The following AUTS2 variants were observed in gnomAD, a reference collection of about 807,000 sequenced individuals.
AUTS2 encodes the protein autism susceptibility gene 2 protein.
A neutral mutation model predicts 112.4 loss-of-function variants in AUTS2; 17 were observed. The ratio of observed to expected loss-of-function variants is 0.15; its 90% CI spans 0.10 to 0.23. The LOEUF (loss-of-function observed/expected upper bound fraction) is 0.23, where lower values mean the gene tolerates loss of function less well. AUTS2 is among the 10% of genes least tolerant of loss of function. The pLI, the probability that AUTS2 is intolerant of heterozygous loss-of-function variation, is 1.00. For synonymous variants in AUTS2, 751 were observed against 702.7 expected, an observed-to-expected ratio of 1.07 and a Z score of -1.09; for missense variants, 1,510 against 1,701.6, an observed-to-expected ratio of 0.89 and a Z score of 1.98.
intron 4 of AUTS2, among the ~76,000 whole-genome samples, chr7:70,318,705 T>G (rs912474084): frequency 1.3e-5 from 2 of 152,160 alleles, no homozygotes; most frequent in South Asian, 4.1e-4. Context: ...CCAAGGGCTG[T>G]TTGCTGTAGA....
At position 70,324,663 on chromosome 7, in the gene AUTS2, T is replaced by C. The variant is rs1038115372; in HGVS notation, c.661-111089T>C. 6.6e-5 allele frequency among the ~76,000 whole-genome samples: 10 copies of C among 152,144 alleles called. 1 individual carries two copies. Reference sequence around the variant, plus strand: ...ATTACAGGGTTGGCCTCCCTGATCCTGTATATATTGTCTATGAAATTGACA... The same window carrying C: ...ATTACAGGGTTGGCCTCCCTGATCCCGTATATATTGTCTATGAAATTGACA... On this transcript the variant is annotated intron_variant, in intron 4 of 18. Transcript: ENST00000342771.
At chr7:70,477,334 G>T (rs1330179608) in intron 5 of AUTS2, among the ~76,000 whole-genome samples, 2 of 152,138 alleles carry the variant, frequency 1.3e-5, no homozygotes, top group East Asian at 3.9e-4. Flanking sequence ...AAAAAGGCAG[G>T]CCTGCCAAAT....
chr7:69,985,227 T>TAAAAA (rs71068005), intron 2 of AUTS2, among the ~76,000 whole-genome samples: 3 of 104,672 alleles, frequency 2.9e-5, no homozygotes, highest in East Asian at 2.7e-4. Context: ...GAAGACTCTC[T>TAAAAA]AAAAAAAAAA....
intron 1 of AUTS2, among the ~76,000 whole-genome samples, chr7:69,899,009 T>G (rs1463351454): frequency 1.3e-5 from 2 of 152,212 alleles, no homozygotes; most frequent in Non-Finnish European, 2.9e-5. Context: ...AAAGCTGCTA[T>G]CCCAGGGAGC....
At chr7:70,030,737 T>A (rs1342580949) in intron 2 of AUTS2, among the ~76,000 whole-genome samples, 1 of 152,084 alleles carries the variant, frequency 6.6e-6, no homozygotes, top group East Asian at 1.9e-4. Context: ...TAGTAAAACG[T>A]TCATAGTTTT....
chr7:70,283,266 A>G (rs1788306977), intron 4 of AUTS2, among the ~76,000 whole-genome samples: 1 of 152,216 alleles, frequency 6.6e-6, no homozygotes, highest in Non-Finnish European at 1.5e-5. Context: ...TGTGAAAGGA[A>G]GGGTTAATAG....
At chr7:69,760,633 C>T (rs1347508472) in intron 1 of AUTS2, among the ~76,000 whole-genome samples, 1 of 152,010 alleles carries the variant, frequency 6.6e-6, no homozygotes, top group African/African-American at 2.4e-5. Flanking sequence ...CCAGCCTGAC[C>T]AACATGGTGA....
At chr7:70,548,449 T>C (rs1800879920) in intron 5 of AUTS2, among the ~76,000 whole-genome samples, 1 of 152,120 alleles carries the variant, frequency 6.6e-6, no homozygotes. Flanking sequence ...GTTTTTTTTT[T>C]ATGGATCATA....
At chr7:69,847,841 G>A (rs1239467719) in intron 1 of AUTS2, among the ~76,000 whole-genome samples, 2 of 152,150 alleles carry the variant, frequency 1.3e-5, no homozygotes, top group Non-Finnish European at 2.9e-5. Context: ...TTCATCTGTC[G>A]CCTCTGAAAA....
rs548361049 is a variant in AUTS2 at position 70,186,993 on chromosome 7, G to T, written c.660+52422G>T. The stretch of plus-strand genomic sequence containing the variant: ...GTTAAAGAAACTTGCCCAAAGTTAG[G>T]TAGCTAATAAGTAGTAGAAGCAGGA... On this transcript the variant is annotated intron_variant, in intron 4 of 18. Transcript: ENST00000342771. 5.9e-5 allele frequency among the ~76,000 whole-genome samples: 9 copies of T among 152,326 alleles called. No individual in the cohort carries two copies. In the East Asian group the frequency reaches 1.5e-3, roughly 26 times the overall value.
chr7:70,182,166 T>C (rs569618478), intron 4 of AUTS2, among the ~76,000 whole-genome samples: 1 of 152,306 alleles, frequency 6.6e-6, no homozygotes, highest in East Asian at 1.9e-4. Context: ...AAAGTCTCCC[T>C]GTTGCTTATG....
At chr7:70,253,873 A>G (rs900119209) in intron 4 of AUTS2, among the ~76,000 whole-genome samples, 9 of 151,988 alleles carry the variant, frequency 5.9e-5, no homozygotes, top group Admixed American at 2.6e-4. Context: ...TCTTTTGTGT[A>G]TAGCTCTGTT....
intron 4 of AUTS2, among the ~76,000 whole-genome samples, chr7:70,289,359 C>T (rs1788605798): frequency 6.6e-6 from 1 of 152,218 alleles, no homozygotes; most frequent in African/African-American, 2.4e-5. Context: ...ATAAAATTCT[C>T]TTCCATGTGC....
intron 1 of AUTS2, among the ~76,000 whole-genome samples, chr7:69,830,138 G>A (rs561820644): frequency 1.1e-4 from 17 of 152,298 alleles, no homozygotes; most frequent in Admixed American, 9.2e-4. Flanking sequence ...CACGGGAACA[G>A]AAAACCAAAC....
rs532809309 is a variant in AUTS2, at chr7:70,115,007, A to G, written c.523-3125A>G. The stretch of plus-strand genomic sequence containing the variant: ...AGGGGGTGGTGTAGGGGTGGATTTT[A>G]TGTAAGGCTCTCTGAAGAGAATTCA... On this transcript the variant is annotated intron_variant, in intron 2 of 18. Coordinates refer to ENST00000342771, the MANE Select transcript of AUTS2 (RefSeq NM_015570.4). 3.9e-4 allele frequency among the ~76,000 whole-genome samples: 60 copies of G among 152,226 alleles called. 1 individual carries two copies. The highest frequency in any genetic ancestry group is 3.9e-3 in the Admixed American group (59 of 15,280).
chr7:69,951,888 C>T (rs537855451), intron 2 of AUTS2, among the ~76,000 whole-genome samples: 174 of 152,258 alleles, frequency 1.1e-3, no homozygotes, highest in African/African-American at 3.9e-3. Flanking sequence ...CATTTGAAGG[C>T]TTCTTCCCCT....
chr7:70,203,833 A>G (rs941955588), intron 4 of AUTS2, among the ~76,000 whole-genome samples: 1 of 151,640 alleles, frequency 6.6e-6, no homozygotes, highest in Admixed American at 6.6e-5. Flanking sequence ...TAGATTGTGA[A>G]TGTCAAGGAA....
chr7:70,686,805 CCA>C (rs1159691255), intron 5 of AUTS2, among the ~76,000 whole-genome samples: 1 of 152,164 alleles, frequency 6.6e-6, no homozygotes, highest in Non-Finnish European at 1.5e-5. Flanking sequence ...AGTGCTAGGA[CCA>C]CGCACACGTG....
chr7:69,872,990 G>A (rs994464546), intron 1 of AUTS2, among the ~76,000 whole-genome samples: 1 of 150,376 alleles, frequency 6.6e-6, no homozygotes, highest in East Asian at 1.9e-4. Context: ...TTACAGGCAC[G>A]CACCATCACA....
Sources: allele counts gnomAD v4.1 joint callset (sites outside exome capture counted in the v4.1 genomes callset), GRCh38; gene constraint gnomAD v4.1.1; transcripts MANE v1.5; gene names NCBI Gene and HGNC (gene_info 2026-07-23, HGNC 2026-07-21).